Variants in SMAD2 observed in about 807,000 individuals in gnomAD.
SMAD2 encodes the protein MAD homolog 2.
SMAD2 carries 8 observed loss-of-function variants against 64.4 expected under a neutral mutation model. The ratio of observed to expected loss-of-function variants is 0.12; its 90% CI spans 0.07 to 0.22. The LOEUF (loss-of-function observed/expected upper bound fraction) is 0.22. SMAD2 is among the 10% of genes least tolerant of loss of function. The probability of loss-of-function intolerance (pLI) is 1.00; values close to 1 mark genes in which losing one functional copy is unlikely to be tolerated. For missense variants in SMAD2, 289 were observed against 561.2 expected, an observed-to-expected ratio of 0.51 and a Z score of 4.90; for synonymous variants, 203 against 195.8, an observed-to-expected ratio of 1.04 and a Z score of -0.31.
At chr18:47,906,131 A>C (rs1320495224) in intron 1 of SMAD2, among the ~76,000 whole-genome samples, 3 of 151,930 alleles carry the variant, frequency 2.0e-5, no homozygotes, top group Non-Finnish European at 2.9e-5. Flanking sequence ...AAAAAAAAAG[A>C]AATAGAAAAA....
At chr18:47,894,306 G>T (rs1358820883) in intron 2 of SMAD2, among the ~76,000 whole-genome samples, 1 of 152,160 alleles carries the variant, frequency 6.6e-6, no homozygotes, top group African/African-American at 2.4e-5. Flanking sequence ...GCCTCAAGGA[G>T]TTTTCTCGCT....
intron 1 of SMAD2, among the ~76,000 whole-genome samples, chr18:47,922,308 T>C: frequency 6.6e-6 from 1 of 152,308 alleles, no homozygotes. Context: ...CTAGAAATAA[T>C]ATAAAATCAC....
At chr18:47,875,227 A>G (rs984562637) in intron 2 of SMAD2, among the ~76,000 whole-genome samples, 1 of 152,066 alleles carries the variant, frequency 6.6e-6, no homozygotes, top group Non-Finnish European at 1.5e-5. Context: ...AACGAGGTCA[A>G]TTTTTAAGAT....
At chr18:47,879,856 T>A (rs112864576) in intron 2 of SMAD2, among the ~76,000 whole-genome samples, 2,611 of 152,244 alleles carry the variant, frequency 0.017, 67 homozygotes, top group African/African-American at 0.059. Context: ...TTTGGTGTGG[T>A]CAGTCTTTAA....
intron 2 of SMAD2, among the ~76,000 whole-genome samples, chr18:47,876,433 G>T (rs570464613): frequency 1.3e-5 from 2 of 152,052 alleles, no homozygotes; most frequent in Admixed American, 1.3e-4. Flanking sequence ...GTTATCTCAC[G>T]CAAAGTCCCA....
rs1404495202 is a variant in SMAD2, at chr18:47,869,422, C to T, written c.341G>A (p.Arg114His). Residue 114 changes from arginine (R) to histidine (H), a missense_variant, in exon 4 of 11, where the codon CGT becomes CAT. By Grantham distance (29) the Arg-to-His change is conservative. Coordinates refer to ENST00000262160, the MANE Select transcript of SMAD2 (RefSeq NM_005901.6). Reference protein sequence around the residue: ...FSEQTRSLDGRLQVSHRKGLP... With the variant: ...FSEQTRSLDGHLQVSHRKGLP... ...TCCTTTTCGATGGGATACCTGGAGA[C>T]GACCATCAAGAGACCTGTTGGGAAG... The T allele has an allele frequency of 3.7e-6, 6 of 1,603,740 alleles. No homozygotes were observed. Among genetic ancestry groups the T allele is most frequent in the Non-Finnish European group, 5.1e-6 (6 of 1,176,936 alleles).
chr18:47,858,433 T>A (rs2030902865), intron 6 of SMAD2, among the ~76,000 whole-genome samples: 1 of 152,086 alleles, frequency 6.6e-6, no homozygotes. Context: ...CTGAAAGAAA[T>A]GTCTGTAGTA....
intron 1 of SMAD2, among the ~76,000 whole-genome samples, chr18:47,903,685 T>A (rs1311399506): frequency 4.6e-5 from 7 of 151,974 alleles, no homozygotes; most frequent in Non-Finnish European, 1.0e-4. Context: ...GATAGCAACA[T>A]GAATAATGAA....
At position 47,809,887 on chromosome 18, in the gene SMAD2, A is replaced by G. The variant is rs1486386519; in HGVS notation, c.*31940T>C. The G allele has an allele frequency of 1.3e-5, 2 of 152,224 alleles. No homozygotes were observed. Among genetic ancestry groups the G allele is most frequent in the African/African-American group, 2.4e-5 (1 of 41,450 alleles). The allele number at this position is 152,224 out of a possible 1,614,324, so 9.4% of individuals were successfully genotyped here. Reference sequence around the variant, plus strand: ...TGGCCTGAGACATACTTGGATACAGAGTGGGGTGGACTCACTGAGAAACCT... The same window carrying G: ...TGGCCTGAGACATACTTGGATACAGGGTGGGGTGGACTCACTGAGAAACCT... On this transcript the variant is annotated 3_prime_UTR_variant, in exon 11 of 11. Coordinates refer to ENST00000262160, the MANE Select transcript of SMAD2 (RefSeq NM_005901.6).
intron 6 of SMAD2, among the ~76,000 whole-genome samples, chr18:47,862,222 A>G (rs921593943): frequency 4.6e-5 from 7 of 152,230 alleles, no homozygotes; most frequent in Non-Finnish European, 8.8e-5. Context: ...TAACTTACAA[A>G]TAATTAAGTG....
chr18:47,922,504 T>C (rs1400143010), intron 1 of SMAD2: 2 of 152,200 alleles, frequency 1.3e-5, no homozygotes, highest in African/African-American at 2.4e-5. Context: ...CTAGAGAGGA[T>C]TTAAAGAATA....
rs1913807236 is a variant in SMAD2, at chr18:47,840,186, G to C, written c.*1641C>G. 2.6e-5 allele frequency: 6 copies of C among 232,926 alleles called. No homozygotes were observed. Among genetic ancestry groups the C allele is most frequent in the Middle Eastern group, 1.2e-3 (1 of 804 alleles). 14.4% of individuals were successfully genotyped at this position (232,926 alleles called of 1,614,324 possible). A position where few individuals can be genotyped will look rare whatever the true frequency, so the allele number is the denominator to read the frequency against. On this transcript the variant is annotated 3_prime_UTR_variant, in exon 11 of 11. Transcript: ENST00000262160. ...ACCCAATAGAAAACCACCAAATGTT[G>C]AAAGTATTGAAAATGATACCTATAG... is the stretch of plus-strand genomic sequence containing the variant.
rs185592215 is a variant in SMAD2, at chr18:47,862,792, T to C, written c.730+2267A>G. Among the ~76,000 whole-genome samples, 56 of 152,324 alleles carry C rather than the reference T, an allele frequency of 3.7e-4. No individual in the cohort carries two copies. In the East Asian group the frequency reaches 7.3e-3, roughly 20 times the overall value. ...TGAATTGTGAGTTATGAAATCCACATCTTATGATCTATTATATTCTATTTC... is the reference window on the plus strand; with the variant it reads ...TGAATTGTGAGTTATGAAATCCACACCTTATGATCTATTATATTCTATTTC... On this transcript the variant is annotated intron_variant, in intron 6 of 10. Coordinates refer to ENST00000262160, the MANE Select transcript of SMAD2 (RefSeq NM_005901.6).
chr18:47,895,329 C>G (rs756333826), intron 2 of SMAD2: 1 of 152,250 alleles, frequency 6.6e-6, no homozygotes, highest in Non-Finnish European at 1.5e-5. Context: ...TTGGCTGCTG[C>G]TTCTCCAAGC....
intron 6 of SMAD2, among the ~76,000 whole-genome samples, chr18:47,861,613 AGAAAAGGCATT>A (rs2031194638): frequency 6.6e-6 from 1 of 152,256 alleles, no homozygotes; most frequent in South Asian, 2.1e-4. Flanking sequence ...CACATGGCAG[AGAAAAGGCATT>A]GTTATAAGAC....
chr18:47,917,667 A>G (rs866393856), intron 1 of SMAD2, among the ~76,000 whole-genome samples: 2 of 152,086 alleles, frequency 1.3e-5, no homozygotes, highest in Non-Finnish European at 2.9e-5. Flanking sequence ...AAAATTTTTA[A>G]TGGAAAACTT....
chr18:47,873,228 G>C (rs567575627), intron 2 of SMAD2, among the ~76,000 whole-genome samples: 5 of 152,198 alleles, frequency 3.3e-5, no homozygotes, highest in African/African-American at 9.6e-5. Context: ...TAGATAGTGA[G>C]AGTTGTATAA....
intron 2 of SMAD2, among the ~76,000 whole-genome samples, chr18:47,873,650 C>T (rs2032078395): frequency 6.6e-6 from 1 of 152,182 alleles, no homozygotes; most frequent in Non-Finnish European, 1.5e-5. Flanking sequence ...GGCTAACTTT[C>T]CTTCATATAA....
chr18:47,845,044 A>T (rs777520856), intron 10 of SMAD2: 6 of 575,314 alleles, frequency 1.0e-5, no homozygotes, highest in African/African-American at 3.8e-5. Flanking sequence ...CACCGTGTGC[A>T]AACATCTCTC....
Sources: allele counts gnomAD v4.1 joint callset (sites outside exome capture counted in the v4.1 genomes callset), GRCh38; gene constraint gnomAD v4.1.1; transcripts MANE v1.5; gene names NCBI Gene and HGNC (gene_info 2026-07-23, HGNC 2026-07-21).